IGF2BP3: variants seen among roughly 807,000 people sequenced by gnomAD.
IGF2BP3 encodes the protein insulin-like growth factor 2 mRNA-binding protein 3.
IGF2BP3 carries 9 observed loss-of-function variants against 73.8 expected under a neutral mutation model. The ratio of observed to expected loss-of-function variants is 0.12; its 90% CI spans 0.07 to 0.21. IGF2BP3 has a LOEUF of 0.21. Ranked by LOEUF, IGF2BP3 falls within the 10% of genes least tolerant of loss-of-function variation. IGF2BP3 has a pLI of 1.00. For synonymous variants in IGF2BP3, 258 were observed against 256.7 expected, an observed-to-expected ratio of 1.01 and a Z score of -0.05; for missense variants, 542 against 714.0, an observed-to-expected ratio of 0.76 and a Z score of 2.75.
At chr7:23,416,321 T>C (rs1198232650) in intron 3 of IGF2BP3, 1 of 152,234 alleles carries the variant, frequency 6.6e-6, no homozygotes. Flanking sequence ...ACAGAGAACT[T>C]ACTATAGTGC....
chr7:23,444,122 G>A (rs1270798328), intron 2 of IGF2BP3, among the ~76,000 whole-genome samples: 1 of 152,202 alleles, frequency 6.6e-6, no homozygotes, highest in African/African-American at 2.4e-5. Flanking sequence ...ACTGCTCTGA[G>A]GTTTTCAGAG....
intron 2 of IGF2BP3, among the ~76,000 whole-genome samples, chr7:23,460,752 C>T (rs745486391): frequency 1.2e-4 from 19 of 152,100 alleles, no homozygotes; most frequent in Non-Finnish European, 2.2e-4. Flanking sequence ...GGGTTCAAGA[C>T]CATTCTGGCC....
chr7:23,453,416 G>A (rs1047821485), intron 2 of IGF2BP3, among the ~76,000 whole-genome samples: 8 of 152,292 alleles, frequency 5.3e-5, no homozygotes, highest in African/African-American at 1.7e-4. Flanking sequence ...TTATCTGTAC[G>A]ATACTGTTAA....
At chr7:23,463,137 C>G (rs1788488290) in intron 2 of IGF2BP3, among the ~76,000 whole-genome samples, 1 of 152,234 alleles carries the variant, frequency 6.6e-6, no homozygotes, top group Non-Finnish European at 1.5e-5. Context: ...CCTCTCCTTC[C>G]TCCCAGACCA....
chr7:23,425,380 T>C (rs1294281852), intron 2 of IGF2BP3, among the ~76,000 whole-genome samples: 1 of 150,520 alleles, frequency 6.6e-6, no homozygotes, highest in African/African-American at 2.5e-5. Flanking sequence ...ATTAGATATA[T>C]AATAATGTAT....
At chr7:23,349,173 ATG>A (rs964569628) in intron 6 of IGF2BP3, among the ~76,000 whole-genome samples, 3 of 152,196 alleles carry the variant, frequency 2.0e-5, no homozygotes, top group Non-Finnish European at 4.4e-5. Context: ...ACTCAAAAAT[ATG>A]TGTTTTTGGG....
At chr7:23,411,209 C>T (rs376700778) in intron 3 of IGF2BP3, among the ~76,000 whole-genome samples, 8 of 152,354 alleles carry the variant, frequency 5.3e-5, no homozygotes, top group South Asian at 2.1e-4. Context: ...ACAGTCTCAA[C>T]GTCACTGTTT....
intron 12 of IGF2BP3, among the ~76,000 whole-genome samples, 197 bp from the exon 13 acceptor site, chr7:23,313,850 T>C (rs1783900076): frequency 6.6e-6 from 1 of 152,206 alleles, no homozygotes; most frequent in Admixed American, 6.5e-5. Flanking sequence ...CCCATCACAG[T>C]AGAGGCAACT....
At chr7:23,360,098 C>T (rs1785188384) in intron 5 of IGF2BP3, among the ~76,000 whole-genome samples, 1 of 151,228 alleles carries the variant, frequency 6.6e-6, no homozygotes, top group South Asian at 2.1e-4. Flanking sequence ...TTGATAAAGT[C>T]CTGTGTTAGG....
chr7:23,420,921 G>C (rs754035349), intron 2 of IGF2BP3, among the ~76,000 whole-genome samples: 8 of 152,132 alleles, frequency 5.3e-5, no homozygotes, highest in Non-Finnish European at 1.0e-4. Context: ...TGCTAGTTTG[G>C]GATTTGTTTC....
chr7:23,422,931 G>T (rs1056760231), intron 2 of IGF2BP3, among the ~76,000 whole-genome samples: 2 of 152,128 alleles, frequency 1.3e-5, no homozygotes, highest in African/African-American at 2.4e-5. Flanking sequence ...TAGTAGGTGG[G>T]ATTATTAGAT....
chr7:23,432,227 G>A (rs1243025029), intron 2 of IGF2BP3, among the ~76,000 whole-genome samples: 1 of 152,192 alleles, frequency 6.6e-6, no homozygotes, highest in African/African-American at 2.4e-5. Context: ...GACGCCATGA[G>A]TATGCACTAG....
At chr7:23,398,282 T>A (rs1320757482) in intron 3 of IGF2BP3, among the ~76,000 whole-genome samples, 1 of 152,246 alleles carries the variant, frequency 6.6e-6, no homozygotes, top group Non-Finnish European at 1.5e-5. Context: ...ATGGTGTATA[T>A]GTGCCACATT....
chr7:23,464,348 C>T (rs886544672), intron 2 of IGF2BP3, among the ~76,000 whole-genome samples: 2 of 152,102 alleles, frequency 1.3e-5, no homozygotes, highest in African/African-American at 4.8e-5. Flanking sequence ...TGCATTTTCC[C>T]CCACTTTTAC....
intron 3 of IGF2BP3, chr7:23,362,624 A>G (rs1046639256): frequency 6.6e-6 from 1 of 152,234 alleles, no homozygotes; most frequent in African/African-American, 2.4e-5. Flanking sequence ...TCAACTGCAG[A>G]TGTACGTCTC....
At chr7:23,340,384 C>G (rs1399821965) in intron 10 of IGF2BP3, among the ~76,000 whole-genome samples, 1 of 152,130 alleles carries the variant, frequency 6.6e-6, no homozygotes, top group Non-Finnish European at 1.5e-5. Context: ...GAACCCCAAT[C>G]AGTTTGGTGG....
chr7:23,330,261 G>A (rs1183697662), intron 10 of IGF2BP3, among the ~76,000 whole-genome samples: 3 of 151,492 alleles, frequency 2.0e-5, no homozygotes, highest in South Asian at 2.1e-4. Flanking sequence ...ACTCCAGCCC[G>A]GGTGACAGTA....
At chr7:23,464,807 TA>T (rs1340683427) in intron 2 of IGF2BP3, among the ~76,000 whole-genome samples, 3 of 152,038 alleles carry the variant, frequency 2.0e-5, no homozygotes, top group African/African-American at 7.2e-5. Flanking sequence ...AATATCCTAT[TA>T]TTTTTTTCTC....
intron 3 of IGF2BP3, among the ~76,000 whole-genome samples, chr7:23,366,933 C>CACTGAACTCTCAAAGAATAAATACA (rs1785390155): frequency 6.6e-6 from 1 of 151,658 alleles, no homozygotes; most frequent in Non-Finnish European, 1.5e-5. Context: ...CACTCCAGCC[C>CACTGAACTCTCAAAGAATAAATACA]ACTGAACTCT....
Sources: gnomAD v4.1 joint callset for allele counts (sites outside exome capture counted in the v4.1 genomes callset) on GRCh38, gnomAD v4.1.1 for gene constraint, MANE v1.5 for transcripts, NCBI Gene and HGNC (gene_info 2026-07-23, HGNC 2026-07-21) for gene names.